The following SV2C variants were observed in gnomAD, a reference collection of about 807,000 sequenced individuals.
The protein encoded by SV2C is solute carrier family 22 member B3.
A neutral mutation model predicts 79.7 loss-of-function variants in SV2C; 49 were observed. That is an observed-to-expected ratio of 0.61 (90% CI 0.49 to 0.78). The LOEUF is 0.78. SV2C is among the 30% of genes least tolerant of loss of function. The pLI is 0.00. For missense variants in SV2C, 833 were observed against 912.9 expected (o/e 0.91, Z 1.13); for synonymous variants, 334 against 333.2 (o/e 1.00, Z -0.03).
At chr5:75,924,084 G>T in the SV2C span, among the ~76,000 whole-genome samples, 16 of 152,092 alleles carry the variant, frequency 1.1e-4, no homozygotes, top group Non-Finnish European at 2.9e-5. Context: ...GCAATAAAAA[G>T]GAATAAAAGA....
chr5:75,852,939 A>G, the SV2C span, among the ~76,000 whole-genome samples: 1 of 152,158 alleles, frequency 6.6e-6, no homozygotes, highest in African/African-American at 2.4e-5. Flanking sequence ...GAGGAATGCC[A>G]TAAAAGTAAA....
intron 1 of SV2C, among the ~76,000 whole-genome samples, chr5:76,112,999 A>C (rs147165001): frequency 1.4e-3 from 214 of 152,374 alleles, no homozygotes; most frequent in African/African-American, 4.8e-3. Context: ...TGACAGTTGA[A>C]GAAGGCATTG....
chr5:76,212,976 G>A (rs148402226), intron 4 of SV2C, among the ~76,000 whole-genome samples: 1 of 152,166 alleles, frequency 6.6e-6, no homozygotes, highest in East Asian at 1.9e-4. Context: ...CTAGAATGAG[G>A]GAAAGTTGGG....
intron 4 of SV2C, among the ~76,000 whole-genome samples, chr5:76,236,290 C>T (rs1745608334): frequency 8.2e-6 from 1 of 122,424 alleles, no homozygotes; most frequent in South Asian, 2.3e-4. Context: ...TACACTAGGC[C>T]TGGGCATGGT....
chr5:76,132,444 AT>A (rs953488048), intron 2 of SV2C, 114 bp downstream of exon 2: 2 of 1,095,250 alleles, frequency 1.8e-6, no homozygotes, highest in Non-Finnish European at 2.5e-6. Context: ...TTTCTAACAA[AT>A]TTTTTATTAC....
intron 1 of SV2C, among the ~76,000 whole-genome samples, chr5:76,101,400 A>G (rs1421566604): frequency 1.3e-5 from 2 of 152,160 alleles, no homozygotes; most frequent in Admixed American, 6.5e-5. Context: ...CTTTGTAGAG[A>G]TGAAATTCTG....
At chr5:75,859,883 T>A in the SV2C span, among the ~76,000 whole-genome samples, 101 of 130,476 alleles carry the variant, frequency 7.7e-4, no homozygotes, top group African/African-American at 4.3e-3. Flanking sequence ...CCTTCACTGA[T>A]TAATCCTTTT....
At chr5:76,049,024 A>AAAGAAAG in the SV2C span, among the ~76,000 whole-genome samples, 2 of 120,520 alleles carry the variant, frequency 1.7e-5, no homozygotes, top group Non-Finnish European at 3.5e-5. Context: ...AGAAAGAAAG[A>AAAGAAAG]AAAAGAAAAG....
At chr5:75,963,602 T>C in the SV2C span, among the ~76,000 whole-genome samples, 2 of 152,126 alleles carry the variant, frequency 1.3e-5, no homozygotes. Context: ...ACTTATACTT[T>C]AGGTTCCAAC....
chr5:75,945,249 C>G, the SV2C span, among the ~76,000 whole-genome samples: 1 of 151,748 alleles, frequency 6.6e-6, no homozygotes, highest in Admixed American at 6.6e-5. Flanking sequence ...ACAAGACAAT[C>G]AATTTGAAAT....
the SV2C span, among the ~76,000 whole-genome samples, chr5:76,008,342 C>G: frequency 6.6e-6 from 1 of 152,126 alleles, no homozygotes; most frequent in Non-Finnish European, 1.5e-5. Flanking sequence ...AGCTCAGAGA[C>G]TCTTCAAAAG....
chr5:76,131,691 A>T lies in SV2C; in HGVS notation c.-60A>T. ...AAGTGGATGATGCTGTCAGAGCTGAACCACTGAAAGGAGGCTGTGAAAATT... is the reference window on the plus strand; with the variant it reads ...AAGTGGATGATGCTGTCAGAGCTGATCCACTGAAAGGAGGCTGTGAAAATT... On this transcript the variant is annotated 5_prime_UTR_variant, in exon 2 of 13. Transcript: ENST00000502798. 1 of 1,453,154 alleles carries T rather than the reference A, an allele frequency of 6.9e-7. No homozygotes were observed. Among genetic ancestry groups the T allele is most frequent in the Non-Finnish European group, 9.3e-7 (1 of 1,069,616 alleles). 90.0% of individuals were successfully genotyped at this position (1,453,154 alleles called of 1,614,324 possible). A position where few individuals can be genotyped will look rare whatever the true frequency, so the allele number is the denominator to read the frequency against.
the SV2C span, among the ~76,000 whole-genome samples, chr5:75,985,817 T>G: frequency 6.6e-6 from 1 of 151,936 alleles, no homozygotes. Context: ...TAGAGAATGC[T>G]AAAGGGCAAT....
chr5:76,338,655 TTTTC>T (rs1436466057), downstream of SV2C, among the ~76,000 whole-genome samples: 2 of 114,830 alleles, frequency 1.7e-5, no homozygotes, highest in African/African-American at 3.2e-5. Context: ...TTCTTTTTCT[TTTTC>T]TTTTTTTTTT....
At chr5:76,257,141 T>C (rs1009467556) in intron 4 of SV2C, among the ~76,000 whole-genome samples, 1 of 152,248 alleles carries the variant, frequency 6.6e-6, no homozygotes, top group Non-Finnish European at 1.5e-5. Flanking sequence ...GCAAAGAAAT[T>C]CCTTGATGTT....
intron 2 of SV2C, among the ~76,000 whole-genome samples, chr5:76,170,748 G>A (rs1743196570): frequency 6.7e-6 from 1 of 149,322 alleles, no homozygotes; most frequent in South Asian, 2.1e-4. Flanking sequence ...GTCTCCACAG[G>A]TTTTTTAAAA....
intron 12 of SV2C, among the ~76,000 whole-genome samples, chr5:76,343,788 T>G (rs1405430677): frequency 6.6e-6 from 1 of 152,182 alleles, no homozygotes; most frequent in Non-Finnish European, 1.5e-5. Context: ...AAATGCTGCC[T>G]TTCATGTGGA....
intron 4 of SV2C, among the ~76,000 whole-genome samples, chr5:76,231,249 A>G (rs944401301): frequency 6.6e-6 from 1 of 152,206 alleles, no homozygotes; most frequent in African/African-American, 2.4e-5. Context: ...TTACCTTTTA[A>G]TAAGTATGTG....
In SV2C at chr5:76,327,170, C is replaced by A. The variant is rs1385286478; in HGVS notation, c.*1623C>A. ...CCCTCCCCTTCCTAATGATCCCTCG[C>A]AGAGCTCAGACTAAGTGAAAAGCTT... On this transcript the variant is annotated 3_prime_UTR_variant, in exon 13 of 13. Transcript: ENST00000502798. 6.6e-6 allele frequency: 1 copy of A among 152,218 alleles called. No homozygotes were observed. Among genetic ancestry groups the A allele is most frequent in the African/African-American group, 2.4e-5 (1 of 41,522 alleles). The allele number at this position is 152,218 out of a possible 1,614,324, so 9.4% of individuals were successfully genotyped here.
Sources: gnomAD v4.1 joint callset for allele counts (sites outside exome capture counted in the v4.1 genomes callset) on GRCh38, gnomAD v4.1.1 for gene constraint, MANE v1.5 for transcripts, NCBI Gene and HGNC (gene_info 2026-07-23, HGNC 2026-07-21) for gene names.